Variants in ARRDC5 observed in about 807,000 individuals in gnomAD.
ARRDC5 encodes the protein arrestin domain-containing protein 5.
ARRDC5 carries 12 observed loss-of-function variants against 13.3 expected under a neutral mutation model. The observed-to-expected ratio is 0.90, with a 90% CI of 0.58 to 1.46. The LOEUF (loss-of-function observed/expected upper bound fraction) is 1.46, where lower values mean the gene tolerates loss of function less well. Among genes scored for constraint, ARRDC5 ranks in the 40% most tolerant of loss-of-function variants. The pLI is 0.00. For missense variants in ARRDC5, 406 were observed against 418.7 expected, an observed-to-expected ratio of 0.97 and a Z score of 0.26; for synonymous variants, 181 against 173.4, an observed-to-expected ratio of 1.04 and a Z score of -0.34.
At chr19:4,911,449 C>T in the ARRDC5 span, among the ~76,000 whole-genome samples, 3 of 152,238 alleles carry the variant, frequency 2.0e-5, no homozygotes, top group East Asian at 3.9e-4. Context: ...CCACCAATTG[C>T]TCTCAGCCTG....
chr19:4,891,441 T>C lies in ARRDC5; in HGVS notation c.592A>G (p.Asn198Asp), dbSNP rs1413597914. Residue 198 changes from asparagine to aspartate, a missense_variant, in exon 3 of 3, where the codon AAC becomes GAC. Coordinates refer to ENST00000650722, the MANE Select transcript of ARRDC5 (RefSeq NM_001080523.3). ...GEKVVFTTEI[N>D]NQTSKCIKTV... ...TTGATGCATTTGCTGGTCTGGTTGT[T>C]GATCTCTGTTGTGAAGACGACCTTC... is the stretch of plus-strand genomic sequence containing the variant. The C allele has an allele frequency of 5.6e-6, 9 of 1,613,630 alleles. No individual in the cohort carries two copies. The highest frequency in any genetic ancestry group is 7.6e-6 in the Non-Finnish European group (9 of 1,179,890).
the ARRDC5 span, chr19:4,910,646 T>A: frequency 2.5e-6 from 1 of 405,044 alleles, no homozygotes; most frequent in Non-Finnish European, 4.4e-6. Context: ...CTCTTTTCAT[T>A]CTCCTTCCTC....
At chr19:4,895,671 GCCA>G (rs939268040) in intron 2 of ARRDC5, among the ~76,000 whole-genome samples, 7 of 152,146 alleles carry the variant, frequency 4.6e-5, no homozygotes, top group African/African-American at 1.7e-4. Flanking sequence ...CTGGACTGAG[GCCA>G]CCACCTCTAT....
intron 2 of ARRDC5, among the ~76,000 whole-genome samples, chr19:4,896,350 T>G (rs6510830): frequency 1.7e-5 from 1 of 57,648 alleles, no homozygotes; most frequent in Non-Finnish European, 2.9e-5. Flanking sequence ...ATATATATAT[T>G]TTTTTTTTTT....
rs2779168 is a variant in ARRDC5 at position 4,902,742 on chromosome 19, G to C, written c.84C>G (p.Ile28Met). 4.3e-6 allele frequency: 7 copies of C among 1,613,896 alleles called. No individual in the cohort carries two copies. Among genetic ancestry groups the C allele is most frequent in the Non-Finnish European group, 5.1e-6 (6 of 1,179,878 alleles). The change falls in exon 1 of 3, where the codon ATC (isoleucine) becomes ATG (methionine). Residue 28 changes from isoleucine (I) to methionine (M), a missense_variant. By Grantham distance (10) the Ile-to-Met change is conservative (BLOSUM62 1). Transcript: ENST00000650722. The stretch of plus-strand genomic sequence containing the variant: ...CCACCAGGGTGCTGTTCAGGGTTAA[G>C]ATCACCTGCCCTTTTATGCTGGAGC... ...LAGSSIKGQV[I>M]LTLNSTLVDP... is the part of the protein sequence containing the mutation.
At chr19:4,897,010 A>G in intron 1 of ARRDC5, 134 bp from the exon 2 acceptor site, 1 of 631,396 alleles carries the variant, frequency 1.6e-6, no homozygotes, top group Non-Finnish European at 2.6e-6. Context: ...AGTCTGGAGT[A>G]TAGTGGTGTG....
At chr19:4,913,157 CATA>C in the ARRDC5 span, among the ~76,000 whole-genome samples, 1 of 151,480 alleles carries the variant, frequency 6.6e-6, no homozygotes, top group Non-Finnish European at 1.5e-5. Flanking sequence ...TCATTTGTAA[CATA>C]ATACTTGAGT....
rs376349632 is a variant in ARRDC5, at chr19:4,902,790, G to A, written c.36C>T (p.Pro12=). The change falls in exon 1 of 3, where the codon CCC becomes CCT. Residue 12 remains proline, a synonymous_variant. Coordinates refer to ENST00000650722, the MANE Select transcript of ARRDC5 (RefSeq NM_001080523.3). The stretch of plus-strand genomic sequence containing the variant: ...AGCCAGCCAGGTAGATTCTATCCTC[G>A]GGCAGCACTAATTCGATCGACTTCA... ...SVVKSIELVL[P]EDRIYLAGSS... 41 of 1,613,740 alleles carry A rather than the reference G, an allele frequency of 2.5e-5. No homozygotes were observed. The East Asian group carries it at 2.9e-4, about 11-fold the overall frequency.
intron 1 of ARRDC5, among the ~76,000 whole-genome samples, chr19:4,897,291 T>C (rs2779172): frequency 0.32 from 49,156 of 151,718 alleles, 8,967 homozygotes; most frequent in Middle Eastern, 0.48. Flanking sequence ...GGCATGGAGG[T>C]GGGTCCTGGG....
the ARRDC5 span, among the ~76,000 whole-genome samples, chr19:4,912,591 A>C: frequency 6.6e-6 from 1 of 152,140 alleles, no homozygotes; most frequent in South Asian, 2.1e-4. Context: ...ATTCTGACTT[A>C]TTAGGTTTAT....
At chr19:4,896,319 AAAAAAAAAAAATATAT>A (rs1424247041) in intron 2 of ARRDC5, among the ~76,000 whole-genome samples, 1 of 35,622 alleles carries the variant, frequency 2.8e-5, no homozygotes, top group Non-Finnish European at 5.5e-5. Context: ...ATCTCAAAAA[AAAAAAAAAAAATATAT>A]ATATATATAT....
At chr19:4,899,855 C>T (rs2031857897) in intron 1 of ARRDC5, among the ~76,000 whole-genome samples, 2 of 149,944 alleles carry the variant, frequency 1.3e-5, no homozygotes, top group South Asian at 4.2e-4. Flanking sequence ...AGGAGAATGG[C>T]GAGAACCCGG....
At chr19:4,902,433 T>G in intron 1 of ARRDC5, 140 bp downstream of exon 1, 1 of 778,936 alleles carries the variant, frequency 1.3e-6, no homozygotes, top group Non-Finnish European at 2.0e-6. Flanking sequence ...TTGTTCTTCA[T>G]GGCCTCCCTC....
At chr19:4,915,704 C>T in the ARRDC5 span, among the ~76,000 whole-genome samples, 24,129 of 151,328 alleles carry the variant, frequency 0.16, 2,010 homozygotes, top group South Asian at 0.28. Context: ...AGCAAGACTC[C>T]GTCTCAAAAA....
the ARRDC5 span, chr19:4,910,956 A>G: frequency 1.2e-6 from 2 of 1,613,542 alleles, no homozygotes; most frequent in East Asian, 4.5e-5. Context: ...AGGCTGACCA[A>G]GGTGGAGGAG....
At chr19:4,902,964 G>C (rs1461575941), upstream of ARRDC5, 6 of 1,271,294 alleles carry the variant, frequency 4.7e-6, no homozygotes, top group African/African-American at 7.4e-5. Context: ...CAGTGGCCAG[G>C]AGGGGAGGCA....
chr19:4,902,282 G>A (rs995405714), intron 1 of ARRDC5, among the ~76,000 whole-genome samples: 3 of 152,230 alleles, frequency 2.0e-5, no homozygotes, highest in African/African-American at 7.2e-5. Context: ...AAAAGAATAA[G>A]ACTTCTCAGA....
Position 4,891,483 on chromosome 19 carries a change from T to A in ARRDC5, c.550A>T (p.Thr184Ser), listed in dbSNP as rs773547710. The A allele has an allele frequency of 6.2e-7, 1 of 1,613,728 alleles. No homozygotes were observed. Among genetic ancestry groups the A allele is most frequent in the South Asian group, 1.1e-5 (1 of 91,084 alleles). ...VCLQIQMERN[T>S]FTPGEKVVFT... is the part of the protein sequence containing the mutation. The stretch of plus-strand genomic sequence containing the variant: ...ACGACCTTCTCTCCTGGCGTGAAGG[T>A]GTTCCTTTCCATCTGGATTTGCAAA... The change falls in exon 3 of 3, where the codon ACC (threonine) becomes TCC (serine). Residue 184 changes from threonine to serine, a missense_variant. Transcript: ENST00000650722.
At chr19:4,915,885 G>A in the ARRDC5 span, among the ~76,000 whole-genome samples, 2 of 152,138 alleles carry the variant, frequency 1.3e-5, no homozygotes, top group Admixed American at 6.5e-5. Context: ...AGATCCTTAC[G>A]TGCGCTGTGT....
Sources: gnomAD v4.1 joint callset for allele counts (sites outside exome capture counted in the v4.1 genomes callset) on GRCh38, gnomAD v4.1.1 for gene constraint, MANE v1.5 for transcripts, NCBI Gene and HGNC (gene_info 2026-07-23, HGNC 2026-07-21) for gene names.